Variants in SCMH1 observed in about 807,000 individuals in gnomAD.
The protein encoded by SCMH1 is Scm polycomb group protein homolog 1.
In SCMH1, 37 loss-of-function variants were observed where a neutral mutation model predicts 70.8. The ratio of observed to expected loss-of-function variants is 0.52; its 90% confidence interval spans 0.40 to 0.69. SCMH1 has a LOEUF of 0.69. Among genes scored for constraint, SCMH1 ranks in the 30% least tolerant of loss-of-function variants. SCMH1 has a pLI of 0.00. For synonymous variants in SCMH1, 292 were observed against 307.4 expected, an observed-to-expected ratio of 0.95 and a Z score of 0.52; for missense variants, 607 against 827.3, an observed-to-expected ratio of 0.73 and a Z score of 3.27.
chr1:41,198,713 T>C (rs1025445672), intron 1 of SCMH1, among the ~76,000 whole-genome samples: 3 of 152,326 alleles, frequency 2.0e-5, no homozygotes, highest in Admixed American at 2.0e-4. Flanking sequence ...TATAATTGGA[T>C]TGCATTAAAA....
chr1:41,217,937 G>A (rs906665291), intron 1 of SCMH1, among the ~76,000 whole-genome samples: 2 of 152,102 alleles, frequency 1.3e-5, no homozygotes, highest in Non-Finnish European at 2.9e-5. Context: ...TTTCATAATG[G>A]CAATGTCTTT....
intron 1 of SCMH1, among the ~76,000 whole-genome samples, chr1:41,208,306 T>A (rs1656078704): frequency 8.8e-6 from 1 of 113,840 alleles, no homozygotes; most frequent in Non-Finnish European, 1.8e-5. Flanking sequence ...GGGATAGCAT[T>A]GGGAGATATA....
intron 1 of SCMH1, among the ~76,000 whole-genome samples, chr1:41,213,273 G>A (rs1657423360): frequency 6.6e-6 from 1 of 152,206 alleles, no homozygotes. Context: ...ACATAGATAT[G>A]TGATATTTAC....
chr1:41,145,938 A>G (rs1386215766), intron 5 of SCMH1, among the ~76,000 whole-genome samples: 1 of 152,224 alleles, frequency 6.6e-6, no homozygotes, highest in Admixed American at 6.5e-5. Flanking sequence ...TTACTGGTTT[A>G]TGTGTTTACT....
chr1:41,115,676 T>C (rs947065259), intron 7 of SCMH1, among the ~76,000 whole-genome samples: 2 of 152,248 alleles, frequency 1.3e-5, no homozygotes, highest in African/African-American at 4.8e-5. Context: ...CTGGACTCAG[T>C]GCTTTTAGCA....
intron 4 of SCMH1, among the ~76,000 whole-genome samples, chr1:41,155,338 T>A (rs1373175205): frequency 6.6e-6 from 1 of 152,196 alleles, no homozygotes; most frequent in African/African-American, 2.4e-5. Flanking sequence ...ACTAAATACC[T>A]AGTATATGTT....
chr1:41,054,027 G>A (rs557080939), intron 10 of SCMH1, among the ~76,000 whole-genome samples: 26 of 152,126 alleles, frequency 1.7e-4, no homozygotes, highest in African/African-American at 6.3e-4. Context: ...TGTATTTTTA[G>A]TAGAGACGGG....
intron 10 of SCMH1, among the ~76,000 whole-genome samples, chr1:41,064,336 G>C (rs1425779295): frequency 6.6e-6 from 1 of 152,144 alleles, no homozygotes; most frequent in African/African-American, 2.4e-5. Flanking sequence ...TCAGGAACAA[G>C]ACAAGGATGC....
chr1:41,167,975 A>G (rs1646527035), intron 2 of SCMH1, among the ~76,000 whole-genome samples: 1 of 144,874 alleles, frequency 6.9e-6, no homozygotes, highest in African/African-American at 2.6e-5. Context: ...CTGATCTGTA[A>G]GGTTTCTGCT....
intron 13 of SCMH1, among the ~76,000 whole-genome samples, chr1:41,036,287 T>C (rs1423313840): frequency 6.6e-6 from 1 of 152,224 alleles, no homozygotes; most frequent in Non-Finnish European, 1.5e-5. Context: ...GTCATCTATA[T>C]GACCATGGGC....
At chr1:41,165,893 A>G (rs1646380244) in intron 2 of SCMH1, among the ~76,000 whole-genome samples, 1 of 151,670 alleles carries the variant, frequency 6.6e-6, no homozygotes, top group Non-Finnish European at 1.5e-5. Flanking sequence ...ATGCAATTCC[A>G]TTTGTCTATT....
chr1:41,077,317 T>G (rs947702263), intron 8 of SCMH1, among the ~76,000 whole-genome samples: 3 of 151,992 alleles, frequency 2.0e-5, no homozygotes, highest in African/African-American at 7.2e-5. Flanking sequence ...GAAAGAGAAA[T>G]GAGAGCTGCT....
At chr1:41,041,729 G>T (rs7553037) in intron 12 of SCMH1, among the ~76,000 whole-genome samples, 129,440 of 152,230 alleles carry the variant, frequency 0.85, 55,530 homozygotes, top group East Asian at 0.97. Flanking sequence ...CTTGGGATTT[G>T]GGCAGGAGAA....
intron 4 of SCMH1, chr1:41,159,719 C>T: frequency 6.5e-7 from 1 of 1,531,714 alleles, no homozygotes. Context: ...TGCCAGGCAC[C>T]TTTACCTGCA....
At chr1:41,237,460 C>T (rs902619466) in intron 1 of SCMH1, among the ~76,000 whole-genome samples, 1 of 152,138 alleles carries the variant, frequency 6.6e-6, no homozygotes, top group Non-Finnish European at 1.5e-5. Context: ...GATGCCTATA[C>T]ATTTTACAGA....
At position 41,206,674 on chromosome 1, in the gene SCMH1, T is replaced by A. The variant is rs113826118; in HGVS notation, c.-117-20424A>T. The stretch of plus-strand genomic sequence containing the variant: ...CTAGCAAGGCAGGCCAACATTCAAA[T>A]TCAGGAAATACAGAGAACACCACAA... On this transcript the variant is annotated intron_variant, in intron 1 of 14. Coordinates refer to ENST00000337495, the Ensembl canonical transcript of SCMH1. Among the ~76,000 whole-genome samples, 124 of 152,172 alleles carry A rather than the reference T, an allele frequency of 8.1e-4. 1 individual carries two copies. The highest frequency in any genetic ancestry group is 2.8e-3 in the African/African-American group (116 of 41,504).
intron 8 of SCMH1, among the ~76,000 whole-genome samples, chr1:41,105,542 A>ATT (rs1667679916): frequency 6.6e-6 from 1 of 152,212 alleles, no homozygotes; most frequent in South Asian, 2.1e-4. Flanking sequence ...AGAAAGAAGA[A>ATT]TTTTAGCTCC....
intron 2 of SCMH1, among the ~76,000 whole-genome samples, chr1:41,164,259 A>G (rs971870913): frequency 2.2e-4 from 33 of 152,138 alleles, no homozygotes; most frequent in African/African-American, 7.7e-4. Flanking sequence ...AACATATGCA[A>G]GCTAATTGGT....
intron 4 of SCMH1, chr1:41,152,857 C>T: frequency 9.8e-7 from 1 of 1,015,730 alleles, no homozygotes; most frequent in African/African-American, 1.6e-5. Context: ...TCCTTTCCCA[C>T]TACCCTTAAC....
Sources: gnomAD v4.1 joint callset for allele counts (sites outside exome capture counted in the v4.1 genomes callset) on GRCh38, gnomAD v4.1.1 for gene constraint, MANE v1.5 for transcripts, NCBI Gene and HGNC (gene_info 2026-07-23, HGNC 2026-07-21) for gene names.